The following DLG2 variants were observed in gnomAD, a reference collection of about 807,000 sequenced individuals.
DLG2 encodes disks large homolog 2.
DLG2 carries 45 observed loss-of-function variants against 132.5 expected under a neutral mutation model. That is an observed-to-expected ratio of 0.34 (90% confidence interval 0.27 to 0.44). The LOEUF (loss-of-function observed/expected upper bound fraction) is 0.44, where lower values mean the gene tolerates loss of function less well. Ranked by LOEUF, DLG2 falls within the 20% of genes least tolerant of loss-of-function variation. The pLI is 1.00. For synonymous variants in DLG2, 424 were observed against 419.6 expected, an observed-to-expected ratio of 1.01 and a Z score of -0.13; for missense variants, 1,045 against 1,196.9, an observed-to-expected ratio of 0.87 and a Z score of 1.87.
chr11:85,511,464 A>G (rs867108322), intron 3 of DLG2, among the ~76,000 whole-genome samples: 2 of 152,088 alleles, frequency 1.3e-5, no homozygotes, highest in Non-Finnish European at 2.9e-5. Flanking sequence ...ATTCAATGGC[A>G]TCTCTCTTAG....
At chr11:83,805,798 T>C (rs1178782889) in intron 17 of DLG2, among the ~76,000 whole-genome samples, 2 of 152,180 alleles carry the variant, frequency 1.3e-5, no homozygotes, top group East Asian at 3.8e-4. Context: ...TCTAGTCTTT[T>C]TAAGACCAGA....
At chr11:83,870,069 T>C (rs2063137000) in intron 16 of DLG2, among the ~76,000 whole-genome samples, 1 of 152,340 alleles carries the variant, frequency 6.6e-6, no homozygotes, top group East Asian at 1.9e-4. Flanking sequence ...ATTCAATTTG[T>C]GCCACCTCCC....
chr11:85,267,906 G>GTT (rs2077315214), intron 4 of DLG2, among the ~76,000 whole-genome samples: 3 of 151,750 alleles, frequency 2.0e-5, no homozygotes, highest in Admixed American at 2.0e-4. Context: ...GTGTGTGTGT[G>GTT]TACGTATGTG....
chr11:84,567,701 T>G (rs936157306), intron 6 of DLG2, among the ~76,000 whole-genome samples: 2 of 152,182 alleles, frequency 1.3e-5, no homozygotes, highest in Non-Finnish European at 2.9e-5. Flanking sequence ...ATCACACAGG[T>G]CCTTAGGAAA....
At chr11:84,740,353 C>T (rs2064434327) in intron 6 of DLG2, among the ~76,000 whole-genome samples, 1 of 152,120 alleles carries the variant, frequency 6.6e-6, no homozygotes, top group East Asian at 1.9e-4. Flanking sequence ...GCTCCATTGC[C>T]ACTGGATATA....
At chr11:83,762,066 A>T (rs1668182065) in intron 18 of DLG2, among the ~76,000 whole-genome samples, 1 of 152,208 alleles carries the variant, frequency 6.6e-6, no homozygotes. Context: ...AAAGCAGATG[A>T]TATGTAAGTA....
At chr11:83,726,295 T>C (rs900275436) in intron 18 of DLG2, among the ~76,000 whole-genome samples, 2 of 152,134 alleles carry the variant, frequency 1.3e-5, no homozygotes, top group Non-Finnish European at 2.9e-5. Context: ...CTCGATGGGA[T>C]TGAAAGCTGT....
rs1478662999 is a variant in DLG2 at position 83,577,851 on chromosome 11, T to C, written c.1941-35993A>G. Among the ~76,000 whole-genome samples the C allele has an allele frequency of 7.3e-5, 9 of 123,850 alleles. No individual in the cohort carries two copies. In the South Asian group the frequency reaches 2.1e-3, roughly 28 times the overall value. 81.3% of individuals were successfully genotyped at this position (123,850 alleles called of 152,430 possible). A position where few individuals can be genotyped will look rare whatever the true frequency, so the allele number is the denominator to read the frequency against. On this transcript the variant is annotated intron_variant, in intron 19 of 27. Transcript: ENST00000376104. ...TAAATATATATTATATAATTATAAA[T>C]ATATAATTATATTATAAATATATAT...
Position 85,571,760 on chromosome 11 carries a change from A to C in DLG2, c.40+26897T>G, listed in dbSNP as rs973721688. 9.3e-4 allele frequency among the ~76,000 whole-genome samples: 142 copies of C among 152,166 alleles called. 1 individual carries two copies. The highest frequency in any genetic ancestry group is 6.6e-4 in the Admixed American group (10 of 15,258). ...CTTTTGCTCACCTGAAGTGTTATCT[A>C]TTGCATCCAATGAAAGCAACTAAAA... On this transcript the variant is annotated intron_variant, in intron 3 of 27. Coordinates refer to ENST00000376104, the MANE Select transcript of DLG2 (RefSeq NM_001142699.3).
intron 3 of DLG2, among the ~76,000 whole-genome samples, chr11:85,294,425 A>C (rs980868675): frequency 6.6e-6 from 1 of 152,110 alleles, no homozygotes; most frequent in Non-Finnish European, 1.5e-5. Context: ...AAGAGGTAGA[A>C]GATCAGATCA....
chr11:83,730,532 G>A (rs976867473), intron 18 of DLG2, among the ~76,000 whole-genome samples: 3 of 152,034 alleles, frequency 2.0e-5, no homozygotes, highest in African/African-American at 7.2e-5. Context: ...AAAGACAAAG[G>A]TATTCTCCCC....
intron 3 of DLG2, among the ~76,000 whole-genome samples, chr11:85,362,602 T>C (rs933513102): frequency 7.9e-5 from 12 of 152,018 alleles, no homozygotes; most frequent in African/African-American, 2.9e-4. Context: ...GGATGCCTTT[T>C]TTTTTATTTT....
rs57698826 is a variant in DLG2 at position 85,425,045 on chromosome 11, C to CAAAAAAA, written c.41-139681_41-139680insTTTTTTT. Among the ~76,000 whole-genome samples, 510 of 151,436 alleles carry CAAAAAAA rather than the reference C, an allele frequency of 3.4e-3. 3 individuals are homozygous for CAAAAAAA. Among genetic ancestry groups the CAAAAAAA allele is most frequent in the African/African-American group, 0.011 (451 of 41,262 alleles). On this transcript the variant is annotated intron_variant, in intron 3 of 27. Coordinates refer to ENST00000376104, the MANE Select transcript of DLG2 (RefSeq NM_001142699.3). ...AAAAACAAACAAACAAACAAAAAAA[C>CAAAAAAA]AAACCCACCACATAAATTCATGCCT...
At chr11:85,398,888 TC>T (rs2087715611) in intron 3 of DLG2, among the ~76,000 whole-genome samples, 1 of 151,982 alleles carries the variant, frequency 6.6e-6, no homozygotes, top group Admixed American at 6.6e-5. Flanking sequence ...ACTATTTCAA[TC>T]AATAGAAAAA....
intron 6 of DLG2, among the ~76,000 whole-genome samples, chr11:84,631,023 C>CAT (rs2099631121): frequency 2.4e-5 from 2 of 84,030 alleles, no homozygotes; most frequent in Admixed American, 2.0e-4. Flanking sequence ...CTCTCTCACA[C>CAT]ACACACACAC....
chr11:84,646,706 A>T (rs2099675408), intron 6 of DLG2, among the ~76,000 whole-genome samples: 1 of 152,134 alleles, frequency 6.6e-6, no homozygotes, highest in African/African-American at 2.4e-5. Context: ...TACACTTAAA[A>T]AAAAAAAAGG....
intron 6 of DLG2, among the ~76,000 whole-genome samples, chr11:84,785,474 G>A (rs1028550241): frequency 3.3e-5 from 5 of 151,942 alleles, no homozygotes; most frequent in Non-Finnish European, 5.9e-5. Flanking sequence ...TTGTAACCAT[G>A]GACAAATATT....
chr11:85,486,485 C>T (rs1055956856), intron 3 of DLG2, among the ~76,000 whole-genome samples: 1 of 152,160 alleles, frequency 6.6e-6, no homozygotes, highest in African/African-American at 2.4e-5. Flanking sequence ...CTAATCCTAT[C>T]CCCCAAGTAC....
chr11:84,933,280 T>C (rs573099256), intron 6 of DLG2, among the ~76,000 whole-genome samples: 2 of 152,326 alleles, frequency 1.3e-5, no homozygotes, highest in Non-Finnish European at 2.9e-5. Context: ...CCCTCTAGTA[T>C]ATTTTTAAGT....
Sources: allele counts gnomAD v4.1 joint callset (sites outside exome capture counted in the v4.1 genomes callset), GRCh38; gene constraint gnomAD v4.1.1; transcripts MANE v1.5; gene names NCBI Gene and HGNC (gene_info 2026-07-23, HGNC 2026-07-21).